RGMA: variants seen among roughly 807,000 people sequenced by gnomAD.
RGMA encodes the protein repulsive guidance molecule A.
RGMA carries 10 observed loss-of-function variants against 23.2 expected under a neutral mutation model. The observed-to-expected ratio is 0.43, with a 90% CI of 0.27 to 0.73. The LOEUF is 0.73. Among genes scored for constraint, RGMA ranks in the 30% least tolerant of loss-of-function variants. The pLI is 0.20. For missense variants in RGMA, 547 were observed against 630.5 expected (o/e 0.87, Z 1.42); for synonymous variants, 308 against 279.3 (o/e 1.10, Z -1.03).
At chr15:93,051,459 G>A (rs555973443) in intron 3 of RGMA, among the ~76,000 whole-genome samples, 3 of 152,306 alleles carry the variant, frequency 2.0e-5, no homozygotes, top group South Asian at 2.1e-4. Context: ...GGCTAAGTCC[G>A]ATTCAGGACA....
At chr15:93,052,580 CA>C in intron 2 of RGMA, 73 bp from the exon 3 acceptor site, 1 of 1,436,190 alleles carries the variant, frequency 7.0e-7, no homozygotes, top group South Asian at 1.4e-5. Flanking sequence ...ATCTGTGGGC[CA>C]GGGGAGCAGC....
rs753105099 is a variant in RGMA, at chr15:93,088,963, G to A, written c.-31C>T. 5.1e-6 allele frequency: 7 copies of A among 1,380,916 alleles called. No homozygotes were observed. The Admixed American group carries it at 1.1e-4, about 21-fold the overall frequency. 85.5% of individuals were successfully genotyped at this position (1,380,916 alleles called of 1,614,324 possible). On this transcript the variant is annotated 5_prime_UTR_variant, in exon 1 of 4. Coordinates refer to ENST00000329082, the MANE Select transcript of RGMA (RefSeq NM_020211.3). ...CCTGCGGCCCGCGGGGGGTGGCGCT[G>A]GCGGGGCTGCGGGAGAAGAGGGGGT...
intron 2 of RGMA, among the ~76,000 whole-genome samples, chr15:93,053,355 C>A (rs537287204): frequency 6.6e-6 from 1 of 152,202 alleles, no homozygotes; most frequent in African/African-American, 2.4e-5. Flanking sequence ...CCACAACTGG[C>A]CAGGCACACA....
chr15:93,050,606 A>T (rs1271824582), intron 3 of RGMA, among the ~76,000 whole-genome samples: 2 of 152,166 alleles, frequency 1.3e-5, no homozygotes, highest in African/African-American at 4.8e-5. Flanking sequence ...ACCCCGTCAC[A>T]TCACCCCCAT....
intron 2 of RGMA, among the ~76,000 whole-genome samples, chr15:93,063,399 T>C (rs1269158299): frequency 6.6e-6 from 1 of 152,224 alleles, no homozygotes; most frequent in Non-Finnish European, 1.5e-5. Context: ...TGTGCCTCAG[T>C]GCTGGATCTC....
rs527368073 is a variant in RGMA, at chr15:93,071,256, T to A, written c.130+1660A>T. 2.6e-5 allele frequency among the ~76,000 whole-genome samples: 4 copies of A among 152,218 alleles called. No homozygotes were observed. The South Asian group carries it at 8.3e-4, about 32-fold the overall frequency. On this transcript the variant is annotated intron_variant, in intron 2 of 3. Coordinates refer to ENST00000329082, the MANE Select transcript of RGMA (RefSeq NM_020211.3). ...CTCCTGCTTTTCCAAAACGTTGACT[T>A]CTTCTTAAATAGGGTGATTTTTATT... is the stretch of plus-strand genomic sequence containing the variant.
chr15:93,040,407 C>G lies in RGMA; in HGVS notation c.*4591G>C, dbSNP rs1169850709. 1.3e-5 allele frequency: 2 copies of G among 152,712 alleles called. No individual in the cohort carries two copies. The highest frequency in any genetic ancestry group is 4.8e-5 in the African/African-American group (2 of 41,458). 9.5% of individuals were successfully genotyped at this position (152,712 alleles called of 1,614,324 possible). A position where few individuals can be genotyped will look rare whatever the true frequency, so the allele number is the denominator to read the frequency against. ...CTACTGTCCAGTGACAGTGGCTTCC[C>G]ACCATCCCTTAAACTCCCCCTTTGC... On this transcript the variant is annotated 3_prime_UTR_variant, in exon 4 of 4. Coordinates refer to ENST00000329082, the MANE Select transcript of RGMA (RefSeq NM_020211.3).
At chr15:93,048,854 G>A (rs113279747) in intron 3 of RGMA, among the ~76,000 whole-genome samples, 3,466 of 149,554 alleles carry the variant, frequency 0.023, 119 homozygotes, top group African/African-American at 0.081. Context: ...GGGAGGATGG[G>A]GGACTCTGGT....
intron 2 of RGMA, among the ~76,000 whole-genome samples, chr15:93,060,549 G>C (rs1894926383): frequency 6.6e-6 from 1 of 152,222 alleles, no homozygotes; most frequent in African/African-American, 2.4e-5. Flanking sequence ...TGGGGGCGGG[G>C]TGGGCCCTTG....
chr15:93,046,748 G>A (rs916784077), intron 3 of RGMA, among the ~76,000 whole-genome samples: 4 of 152,192 alleles, frequency 2.6e-5, no homozygotes, highest in Non-Finnish European at 5.9e-5. Flanking sequence ...GAACAGGAAA[G>A]GAGCAAGGTG....
At chr15:93,073,939 C>T (rs1318625949) in intron 1 of RGMA, 26 of 1,430,342 alleles carry the variant, frequency 1.8e-5, no homozygotes, top group Non-Finnish European at 2.2e-5. Flanking sequence ...GATGGTTTGG[C>T]GCTCTCTGCG....
intron 2 of RGMA, among the ~76,000 whole-genome samples, chr15:93,057,447 G>A (rs2055032644): frequency 1.3e-5 from 2 of 152,156 alleles, no homozygotes; most frequent in South Asian, 4.1e-4. Context: ...TGCCACGTGA[G>A]GATATAATGA....
At chr15:93,078,646 T>C (rs1483919448) in intron 1 of RGMA, among the ~76,000 whole-genome samples, 3 of 152,198 alleles carry the variant, frequency 2.0e-5, no homozygotes, top group Non-Finnish European at 4.4e-5. Flanking sequence ...ACCCTTAAGG[T>C]ACAAAGCAGC....
In RGMA at chr15:93,045,208, G is replaced by A. The variant is rs2054801277; in HGVS notation, c.1143C>T (p.Asp381=). The part of the protein sequence containing the change: ...EDLYYQACVF[D]LLTTGDVNFT... The stretch of plus-strand genomic sequence containing the variant: ...AGTTCACGTCGCCCGTGGTGAGGAG[G>A]TCGAAGACGCAGGCCTGGTAGTACA... The change falls in exon 4 of 4, where the codon GAC becomes GAT. Residue 381 remains aspartate, a synonymous_variant. Coordinates refer to ENST00000329082, the MANE Select transcript of RGMA (RefSeq NM_020211.3). This position sits in a 1 kb window ranked among gnomAD's most constrained non-coding sequence, Gnocchi z 6.9. 6.2e-7 allele frequency: 1 copy of A among 1,611,644 alleles called. No homozygotes were observed. Among genetic ancestry groups the A allele is most frequent in the Non-Finnish European group, 8.5e-7 (1 of 1,179,038 alleles).
chr15:93,049,307 G>A (rs1309930493), intron 3 of RGMA, among the ~76,000 whole-genome samples: 8 of 152,324 alleles, frequency 5.3e-5, no homozygotes, highest in East Asian at 1.9e-4. Flanking sequence ...TCAGGGGGTC[G>A]CAGACTAAGC....
intron 2 of RGMA, among the ~76,000 whole-genome samples, chr15:93,067,136 A>C (rs1429397840): frequency 6.6e-6 from 1 of 152,248 alleles, no homozygotes; most frequent in Non-Finnish European, 1.5e-5. Flanking sequence ...TGAAATGTTC[A>C]TTTAGTGATG....
chr15:93,057,616 A>C (rs2055035564), intron 2 of RGMA, among the ~76,000 whole-genome samples: 5 of 152,072 alleles, frequency 3.3e-5, no homozygotes. Context: ...GGCCAAGCTA[A>C]AGAGACAGTC....
chr15:93,081,002 C>T (rs1044504258), intron 1 of RGMA, among the ~76,000 whole-genome samples: 2 of 152,186 alleles, frequency 1.3e-5, no homozygotes, highest in African/African-American at 2.4e-5. Context: ...AAACCCAGTA[C>T]AAAAGCAATA....
Position 93,037,879 on chromosome 15 carries a change from C to T in RGMA, c.*7119G>A, listed in dbSNP as rs1285538742. 1.3e-5 allele frequency: 2 copies of T among 152,246 alleles called. No individual in the cohort carries two copies. Among genetic ancestry groups the T allele is most frequent in the East Asian group, 1.9e-4 (1 of 5,204 alleles). 9.4% of individuals were successfully genotyped at this position (152,246 alleles called of 1,614,324 possible). ...TGATGCTGGGCGACATGAATGTTTTCGCCTTGGGATCTGGGCTGCCTGGGA... is the reference window on the plus strand; with the variant it reads ...TGATGCTGGGCGACATGAATGTTTTTGCCTTGGGATCTGGGCTGCCTGGGA... On this transcript the variant is annotated 3_prime_UTR_variant, in exon 4 of 4. Coordinates refer to ENST00000329082, the MANE Select transcript of RGMA (RefSeq NM_020211.3). This position sits in a 1 kb window ranked among gnomAD's most constrained non-coding sequence, Gnocchi z 4.3.
Sources: gnomAD v4.1 joint callset for allele counts (sites outside exome capture counted in the v4.1 genomes callset) on GRCh38, gnomAD v4.1.1 for gene constraint, Gnocchi (gnomAD v3.1) non-coding constraint, MANE v1.5 for transcripts, NCBI Gene and HGNC (gene_info 2026-07-23, HGNC 2026-07-21) for gene names.